MACROD1: variants seen among roughly 807,000 people sequenced by gnomAD.
The protein encoded by MACROD1 is ADP-ribose glycohydrolase MACROD1.
In MACROD1, 31 loss-of-function variants were observed where a neutral mutation model predicts 41.4. The ratio of observed to expected loss-of-function variants is 0.75; its 90% confidence interval spans 0.56 to 1.01. The LOEUF (loss-of-function observed/expected upper bound fraction) is 1.01. MACROD1 is among the 50% of genes least tolerant of loss of function. The pLI is 0.00. For missense variants in MACROD1, 473 were observed against 460.0 expected, an observed-to-expected ratio of 1.03 and a Z score of -0.26; for synonymous variants, 252 against 203.4, an observed-to-expected ratio of 1.24 and a Z score of -2.03.
Position 64,166,029 on chromosome 11 carries a change from G to A in MACROD1, c.-35C>T, listed in dbSNP as rs2134747183. On this transcript the variant is annotated 5_prime_UTR_variant, in exon 1 of 11. Transcript: ENST00000255681. The stretch of plus-strand genomic sequence containing the variant: ...GCGCGGGACGGCTCTCCGCCCACTT[G>A]GACTCTATTTACGGCGCTCGGGAGT... 2 of 1,252,180 alleles carry A rather than the reference G, an allele frequency of 1.6e-6. No individual in the cohort carries two copies. The highest frequency in any genetic ancestry group is 6.3e-5 in the East Asian group (2 of 31,802). The allele number at this position is 1,252,180 out of a possible 1,614,324, so 77.6% of individuals were successfully genotyped here.
At chr11:64,058,687 A>C (rs1331742525) in intron 3 of MACROD1, among the ~76,000 whole-genome samples, 1 of 152,242 alleles carries the variant, frequency 6.6e-6, no homozygotes, top group Admixed American at 6.5e-5. Flanking sequence ...GCCGGCTGCA[A>C]CCGCTCATTT....
Position 64,152,356 on chromosome 11 carries a change from T to C in MACROD1, c.336A>G (p.Glu112=), listed in dbSNP as rs1945593786. The C allele has an allele frequency of 6.2e-7, 1 of 1,614,108 alleles. No individual in the cohort carries two copies. The highest frequency in any genetic ancestry group is 8.5e-7 in the Non-Finnish European group (1 of 1,180,030). Residue 112 remains glutamate (E), a synonymous_variant, in exon 2 of 11, where the codon GAA becomes GAG. Transcript: ENST00000255681. ...LKGLSDKQRE[E]HYFCKDFVRL... Reference sequence around the variant, plus strand: ...TGACAAAGTCCTTGCAGAAGTAATGTTCCTCCCGCTGCTTGTCACTCAGGC... The same window carrying C: ...TGACAAAGTCCTTGCAGAAGTAATGCTCCTCCCGCTGCTTGTCACTCAGGC...
rs386373983 is a variant in MACROD1, at chr11:64,031,476, C to CTTTTTTT, written c.518-16202_518-16196dup. 1.1e-3 allele frequency among the ~76,000 whole-genome samples: 131 copies of CTTTTTTT among 114,934 alleles called. 1 individual carries two copies. Among genetic ancestry groups the CTTTTTTT allele is most frequent in the African/African-American group, 3.4e-3 (97 of 28,388 alleles). 75.4% of individuals were successfully genotyped at this position (114,934 alleles called of 152,430 possible). On this transcript the variant is annotated intron_variant, in intron 3 of 10. Transcript: ENST00000255681. ...CCTGCCTGCCTGCCTGCCTGCCTTC[C>CTTTTTTT]TTTTTTTTTTTTTTTTTTTGTGACG...
chr11:64,019,333 C>T lies in MACROD1; in HGVS notation c.518-4052G>A, dbSNP rs564872291. 6.6e-5 allele frequency among the ~76,000 whole-genome samples: 10 copies of T among 152,208 alleles called. No individual in the cohort carries two copies. In the South Asian group the frequency reaches 2.1e-3, roughly 32 times the overall value. Reference sequence around the variant, plus strand: ...CCTCAATGCCAGTCACTGCCAAGTCCTCTGTCCGCTGCTGGCGGTCCCTGG... The same window carrying T: ...CCTCAATGCCAGTCACTGCCAAGTCTTCTGTCCGCTGCTGGCGGTCCCTGG... On this transcript the variant is annotated intron_variant, in intron 3 of 10. Transcript: ENST00000255681.
intron 3 of MACROD1, among the ~76,000 whole-genome samples, chr11:64,149,256 G>A (rs1945540050): frequency 6.6e-6 from 1 of 152,154 alleles, no homozygotes; most frequent in South Asian, 2.1e-4. Flanking sequence ...TCATTTGCAC[G>A]TCACGTGCAT....
At position 64,120,073 on chromosome 11, in the gene MACROD1, G is replaced by A. The variant is rs1336343499; in HGVS notation, c.517+31166C>T. Among the ~76,000 whole-genome samples the A allele has an allele frequency of 2.0e-5, 3 of 152,202 alleles. No homozygotes were observed. Among genetic ancestry groups the A allele is most frequent in the African/African-American group, 7.2e-5 (3 of 41,456 alleles). On this transcript the variant is annotated intron_variant, in intron 3 of 10. Transcript: ENST00000255681. The surrounding 1 kb of genome is among the most constrained non-coding windows in gnomAD (Gnocchi z 4.5). Reference sequence around the variant, plus strand: ...TTTCAAACGGCCTCCACCACCGTGCGAAAAGCAAAGGCAGAAGCAGCAGCG... The same window carrying A: ...TTTCAAACGGCCTCCACCACCGTGCAAAAAGCAAAGGCAGAAGCAGCAGCG...
intron 3 of MACROD1, among the ~76,000 whole-genome samples, chr11:64,111,852 A>G (rs1315875644): frequency 6.6e-6 from 1 of 152,202 alleles, no homozygotes; most frequent in Non-Finnish European, 1.5e-5. Context: ...GCAGCCTGGG[A>G]TGGCCCTGGG....
chr11:64,023,440 C>G (rs369991722), intron 3 of MACROD1, among the ~76,000 whole-genome samples: 2 of 152,090 alleles, frequency 1.3e-5, no homozygotes, highest in Non-Finnish European at 2.9e-5. Context: ...TAAAAATGCC[C>G]GTAAAACCTA....
intron 3 of MACROD1, among the ~76,000 whole-genome samples, chr11:64,041,599 A>C (rs1468081371): frequency 3.3e-5 from 5 of 151,050 alleles, no homozygotes; most frequent in South Asian, 4.2e-4. Flanking sequence ...GAATGAATGG[A>C]AAAAGGGGTG....
intron 3 of MACROD1, among the ~76,000 whole-genome samples, chr11:64,137,588 T>G (rs1945349798): frequency 6.6e-6 from 1 of 152,114 alleles, no homozygotes; most frequent in African/African-American, 2.4e-5. Flanking sequence ...TTTTGAGGTG[T>G]CATCTGGGCC....
chr11:64,035,602 C>A (rs891127399), intron 3 of MACROD1, among the ~76,000 whole-genome samples: 2 of 98,842 alleles, frequency 2.0e-5, no homozygotes, highest in Admixed American at 2.9e-4. Context: ...TAGCCGAGGG[C>A]GGGGGAGGGG....
chr11:64,060,549 GGCCCCAGCCTGGAGA>G (rs1943879637), intron 3 of MACROD1: 3 of 152,242 alleles, frequency 2.0e-5, no homozygotes, highest in African/African-American at 7.2e-5. Flanking sequence ...ACCCAGAGCA[GGCCCCAGCCTGGAGA>G]TACGCTGGGC....
In MACROD1 at chr11:64,078,226, G is replaced by T. The variant is rs375872726; in HGVS notation, c.518-62945C>A. ...TGGCCATGCCCATGCCCAGTAGGAC[G>T]TGCCCTCCAGAAGGGAGGTGGGCAG... is the stretch of plus-strand genomic sequence containing the variant. On this transcript the variant is annotated intron_variant, in intron 3 of 10. Coordinates refer to ENST00000255681, the MANE Select transcript of MACROD1 (RefSeq NM_014067.4). 1.6e-4 allele frequency among the ~76,000 whole-genome samples: 24 copies of T among 152,126 alleles called. 2 individuals carry two copies. Among genetic ancestry groups the T allele is most frequent in the Admixed American group, 1.3e-3 (20 of 15,280 alleles).
intron 3 of MACROD1, among the ~76,000 whole-genome samples, chr11:64,051,283 C>T (rs1943689342): frequency 6.6e-6 from 1 of 152,198 alleles, no homozygotes; most frequent in African/African-American, 2.4e-5. Flanking sequence ...GGGGCTGGTC[C>T]CTCTTTTGAA....
At chr11:64,089,504 A>C (rs1944453009) in intron 3 of MACROD1, among the ~76,000 whole-genome samples, 1 of 152,204 alleles carries the variant, frequency 6.6e-6, no homozygotes. Flanking sequence ...TGACTCCCCC[A>C]GGGCATTCTC....
rs74555140 is a variant in MACROD1 at position 64,158,758 on chromosome 11, G to T, written c.299-6365C>A. Among the ~76,000 whole-genome samples, 806 of 152,278 alleles carry T rather than the reference G, an allele frequency of 5.3e-3. 9 individuals carry two copies. Among genetic ancestry groups the T allele is most frequent in the Non-Finnish European group, 8.2e-3 (559 of 68,020 alleles). On this transcript the variant is annotated intron_variant, in intron 1 of 10. Transcript: ENST00000255681. ...CAGGCCCCTCCTGTGATGATACAGCGCCAGATACCGACAAGGGCCCAACCT... is the reference window on the plus strand; with the variant it reads ...CAGGCCCCTCCTGTGATGATACAGCTCCAGATACCGACAAGGGCCCAACCT...
intron 2 of MACROD1, 24 bp from the exon 3 acceptor site, chr11:64,151,379 G>T (rs753795197): frequency 1.3e-6 from 2 of 1,583,168 alleles, no homozygotes; most frequent in Non-Finnish European, 1.7e-6. Flanking sequence ...GGGCCGGGGA[G>T]GTCACAGCGA....
At chr11:64,079,152 T>C (rs1051401170) in intron 3 of MACROD1, among the ~76,000 whole-genome samples, 9 of 151,926 alleles carry the variant, frequency 5.9e-5, no homozygotes, top group African/African-American at 1.7e-4. Context: ...GTTGGATTCA[T>C]TGGATTTGGA....
chr11:64,066,300 A>C (rs1944005215), intron 3 of MACROD1, among the ~76,000 whole-genome samples: 3 of 150,014 alleles, frequency 2.0e-5, no homozygotes, highest in Admixed American at 6.6e-5. Context: ...GTCTCAAAAA[A>C]AAAAAAAAAA....
Sources: allele counts gnomAD v4.1 joint callset (sites outside exome capture counted in the v4.1 genomes callset), GRCh38; gene constraint gnomAD v4.1.1; non-coding constraint Gnocchi (gnomAD v3.1); transcripts MANE v1.5; gene names NCBI Gene and HGNC (gene_info 2026-07-23, HGNC 2026-07-21).